Variants in MROH6 observed in about 807,000 individuals in gnomAD.
MROH6 encodes maestro heat like repeat family member 6, also known as maestro heat-like repeat-containing protein family member 6.
MROH6 carries 62 observed loss-of-function variants against 67.7 expected under a neutral mutation model. That is an observed-to-expected ratio of 0.92 (90% confidence interval 0.75 to 1.13). The LOEUF (loss-of-function observed/expected upper bound fraction) is 1.13. MROH6 is among the 50% of genes most tolerant of loss of function. The pLI, the probability that MROH6 is intolerant of heterozygous loss-of-function variation, is 0.00. For missense variants in MROH6, 1,175 were observed against 1,029.1 expected (o/e 1.14, Z -1.94); for synonymous variants, 566 against 470.8 (o/e 1.20, Z -2.62).
chr8:143,567,554 C>T (rs1475108940), intron 13 of MROH6, 57 bp downstream of exon 13: 12 of 1,503,432 alleles, frequency 8.0e-6, no homozygotes, highest in African/African-American at 4.2e-5. Flanking sequence ...CCGTCCACTC[C>T]GCCCTAGCAC....
At chr8:143,567,754 G>A (rs1228757699) in intron 12 of MROH6, 32 bp downstream of exon 12, 1 of 1,570,380 alleles carries the variant, frequency 6.4e-7, no homozygotes, top group Non-Finnish European at 8.6e-7. Flanking sequence ...AAGCCCCGGT[G>A]CCAGGGGCAG....
chr8:143,571,847 G>A (rs1824064606), intron 2 of MROH6, 26 bp from the exon 3 acceptor site: 3 of 1,531,404 alleles, frequency 2.0e-6, no homozygotes, highest in Non-Finnish European at 2.6e-6. Context: ...GCAGACTTCA[G>A]CAGTCAGGCC....
chr8:143,567,921 G>A (rs1401701397), intron 11 of MROH6, 33 bp from the exon 12 acceptor site: 5 of 1,508,080 alleles, frequency 3.3e-6, no homozygotes, highest in East Asian at 4.6e-5. Flanking sequence ...CAGGACAGGA[G>A]GGCTGATCCT....
Position 143,572,407 on chromosome 8 carries a change from C to A in MROH6, c.294+14G>T, listed in dbSNP as rs370327236. ...CAGGCCGGTTCGCACAACATCCCTT[C>A]CCTCCCCCGTCACCTGGTGGGGCCC... is the stretch of plus-strand genomic sequence containing the variant. On this transcript the variant is annotated intron_variant, in intron 1 of 13. Coordinates refer to ENST00000398882, the MANE Select transcript of MROH6 (RefSeq NM_001100878.2). 6 of 1,544,830 alleles carry A rather than the reference C, an allele frequency of 3.9e-6. No homozygotes were observed. The African/African-American group carries it at 6.8e-5, about 17-fold the overall frequency.
chr8:143,567,587 TC>T (rs1563913092), intron 13 of MROH6, 23 bp downstream of exon 13: 1 of 1,548,542 alleles, frequency 6.5e-7, no homozygotes, highest in Admixed American at 2.0e-5. Flanking sequence ...CAGGACACCA[TC>T]CCCTGGCAAG....
rs998651500 is a variant in MROH6 at position 143,566,823 on chromosome 8, C to T, written c.*416G>A. Reference sequence around the variant, plus strand: ...AGGGAATGGGGTGAGGGATGAGGATCGGGGGTGCAGCTGCAGGGCTGGCCA... The same window carrying T: ...AGGGAATGGGGTGAGGGATGAGGATTGGGGGTGCAGCTGCAGGGCTGGCCA... On this transcript the variant is annotated 3_prime_UTR_variant, in exon 14 of 14. Coordinates refer to ENST00000398882, the MANE Select transcript of MROH6 (RefSeq NM_001100878.2). 6.9e-5 allele frequency: 11 copies of T among 159,318 alleles called. No homozygotes were observed. The highest frequency in any genetic ancestry group is 2.2e-4 in the African/African-American group (9 of 41,698). 9.9% of individuals were successfully genotyped at this position (159,318 alleles called of 1,614,324 possible). A position where few individuals can be genotyped will look rare whatever the true frequency, so the allele number is the denominator to read the frequency against.
At chr8:143,572,253 C>T in intron 1 of MROH6, 68 bp from the exon 2 acceptor site, 2 of 1,578,086 alleles carry the variant, frequency 1.3e-6, no homozygotes, top group South Asian at 1.2e-5. Context: ...GGTCCCTCGG[C>T]CTCCCACCTG....
At chr8:143,570,711 C>A in intron 4 of MROH6, 54 bp from the exon 5 acceptor site, 1 of 1,537,870 alleles carries the variant, frequency 6.5e-7, no homozygotes. Context: ...CTGCACTGGG[C>A]AGCAGAGGGA....
Position 143,569,992 on chromosome 8 carries a change from C to T in MROH6, c.1117G>A (p.Asp373Asn). 1 of 1,613,220 alleles carries T rather than the reference C, an allele frequency of 6.2e-7. No homozygotes were observed. Among genetic ancestry groups the T allele is most frequent in the Non-Finnish European group, 8.5e-7 (1 of 1,179,864 alleles). ...ADLLPRLRSA[D>N]DPQRLTAMAF... is the part of the protein sequence containing the mutation. ...ATAGCCGTGAGACGCTGCGGGTCGT[C>T]CGCGCTGCGAAGCCGAGGGAGCAAG... The change falls in exon 7 of 14, where the codon GAC becomes AAC. Residue 373 changes from aspartate to asparagine, a missense_variant. Physicochemically the swap from Asp to Asn is conservative, Grantham distance 23. Transcript: ENST00000398882.
At chr8:143,570,703 G>T (rs750753434) in intron 4 of MROH6, 46 bp from the exon 5 acceptor site, 1 of 1,545,840 alleles carries the variant, frequency 6.5e-7, no homozygotes, top group African/African-American at 1.4e-5. Context: ...GCCTGGAGCT[G>T]CACTGGGCAG....
intron 4 of MROH6, 24 bp downstream of exon 4, chr8:143,570,853 C>CCCGGGGGGG: frequency 1.4e-6 from 2 of 1,479,326 alleles, no homozygotes; most frequent in Non-Finnish European, 1.8e-6. Flanking sequence ...CCCCCACCCC[C>CCCGGGGGGG]TGGTAATGGC....
intron 9 of MROH6, 53 bp downstream of exon 9, chr8:143,569,388 C>CGGG: frequency 1.6e-6 from 2 of 1,214,750 alleles, no homozygotes; most frequent in Non-Finnish European, 2.0e-6. Flanking sequence ...ACTGGAAGGG[C>CGGG]GGGGGCGGTG....
intron 2 of MROH6, 85 bp from the exon 3 acceptor site, chr8:143,571,906 C>T: frequency 6.7e-7 from 1 of 1,491,948 alleles, no homozygotes; most frequent in African/African-American, 1.4e-5. Flanking sequence ...TCCACCCCCA[C>T]CCTGATCCCG....
chr8:143,572,306 G>T, intron 1 of MROH6, 115 bp downstream of exon 1: 1 of 1,509,074 alleles, frequency 6.6e-7, no homozygotes, highest in African/African-American at 1.4e-5. Context: ...TCACCAGCCT[G>T]TTTCACGCTG....
chr8:143,568,214 G>A lies in MROH6; in HGVS notation c.1692C>T (p.Gly564=). The A allele has an allele frequency of 6.2e-7, 1 of 1,611,308 alleles. No homozygotes were observed. The highest frequency in any genetic ancestry group is 8.5e-7 in the Non-Finnish European group (1 of 1,179,344). The change falls in exon 11 of 14, where the codon GGC becomes GGT. Residue 564 remains glycine, a synonymous_variant. Transcript: ENST00000398882. The part of the protein sequence containing the change: ...LARCDHAFCW[G]LLEELVTVAH... Reference sequence around the variant, plus strand: ...CCACGGTGACCAACTCCTCCAGCAGGCCCCAGCAAAAGGCGTGGTCACAGC... The same window carrying A: ...CCACGGTGACCAACTCCTCCAGCAGACCCCAGCAAAAGGCGTGGTCACAGC...
rs370988498 is a variant in MROH6 at position 143,572,576 on chromosome 8, A to G, written c.139T>C (p.Ser47Pro). 1.9e-5 allele frequency: 31 copies of G among 1,604,978 alleles called. No individual in the cohort carries two copies. The highest frequency in any genetic ancestry group is 2.5e-5 in the Non-Finnish European group (29 of 1,177,284). ...GPPSAGPQPK[S>P]WEVKPEAEPQ... ...TCAGCCTCAGGTTTGACCTCCCAGG[A>G]CTTGGGCTGAGGGCCTGCGGAAGGG... Residue 47 changes from serine (S) to proline (P), a missense_variant, in exon 1 of 14, where the codon TCC (serine) becomes CCC (proline). Ser to Pro is a moderately conservative substitution (Grantham distance 74). Transcript: ENST00000398882.
Position 143,570,969 on chromosome 8 carries a change from G to C in MROH6, c.628C>G (p.Leu210Val), listed in dbSNP as rs976346434. The change falls in exon 4 of 14, where the codon CTA becomes GTA. Residue 210 changes from leucine (L) to valine (V), a missense_variant. Leu to Val is a conservative substitution (Grantham distance 32). Coordinates refer to ENST00000398882, the MANE Select transcript of MROH6 (RefSeq NM_001100878.2). ...CCATTTACACGCTGGTTACGGCTTA[G>C]GCTGCGCCAGAGCTCGGCTGCTACC... is the stretch of plus-strand genomic sequence containing the variant. The part of the protein sequence containing the change: ...DRVAAELWRS[L>V]SRNQRVNGQV... 1.0e-5 allele frequency: 16 copies of C among 1,548,886 alleles called. No individual in the cohort carries two copies. In the Admixed American group the frequency reaches 1.2e-4, roughly 11 times the overall value.
intron 10 of MROH6, 54 bp downstream of exon 10, chr8:143,568,498 G>A (rs1823767214): frequency 9.5e-6 from 14 of 1,471,326 alleles, no homozygotes; most frequent in Non-Finnish European, 1.3e-5. Flanking sequence ...AGGCACGGTG[G>A]GAGTGGTGAG....
chr8:143,572,147 G>C lies in MROH6; in HGVS notation c.333C>G (p.Asp111Glu), dbSNP rs766014119. 2.5e-6 allele frequency: 4 copies of C among 1,613,070 alleles called. No individual in the cohort carries two copies. Among genetic ancestry groups the C allele is most frequent in the Non-Finnish European group, 3.4e-6 (4 of 1,179,874 alleles). Residue 111 changes from aspartate to glutamate, a missense_variant, in exon 2 of 14, where the codon GAC becomes GAG. Physicochemically the swap from Asp to Glu is conservative, Grantham distance 45. Coordinates refer to ENST00000398882, the MANE Select transcript of MROH6 (RefSeq NM_001100878.2). Reference protein sequence around the residue: ...QSSWEEGVLADLALYTAACLE... With the variant: ...QSSWEEGVLAELALYTAACLE... ...GGCAGGCAGCCGTGTACAACGCGAG[G>C]TCGGCAAGAACTCCCTCCTCCCAGG... is the stretch of plus-strand genomic sequence containing the variant.
Sources: gnomAD v4.1 joint callset for allele counts on GRCh38, gnomAD v4.1.1 for gene constraint, MANE v1.5 for transcripts, NCBI Gene and HGNC (gene_info 2026-07-23, HGNC 2026-07-21) for gene names.